Variants in CLSTN2 observed in about 807,000 individuals in gnomAD.
CLSTN2 encodes the protein calsyntenin 2, also known as calsyntenin-2.
In CLSTN2, 48 loss-of-function variants were observed where a neutral mutation model predicts 101.2. The observed-to-expected ratio is 0.47, with a 90% CI of 0.38 to 0.60. The LOEUF (loss-of-function observed/expected upper bound fraction) is 0.60. CLSTN2 is among the 20% of genes least tolerant of loss of function. CLSTN2 has a pLI of 0.00. For synonymous variants in CLSTN2, 481 were observed against 463.6 expected (o/e 1.04, Z -0.48); for missense variants, 1,160 against 1,238.2 (o/e 0.94, Z 0.95).
chr3:140,019,349 T>C (rs2007262386), intron 1 of CLSTN2, among the ~76,000 whole-genome samples: 1 of 152,178 alleles, frequency 6.6e-6, no homozygotes, highest in African/African-American at 2.4e-5. Flanking sequence ...AAGGCCTGAA[T>C]AGAATCAAGA....
intron 1 of CLSTN2, among the ~76,000 whole-genome samples, chr3:140,136,723 T>A (rs1171309173): frequency 6.6e-6 from 1 of 152,176 alleles, no homozygotes; most frequent in Non-Finnish European, 1.5e-5. Context: ...CTTGCAGAGT[T>A]GTTGTGAGAA....
chr3:140,137,372 T>C (rs76952882), intron 1 of CLSTN2, among the ~76,000 whole-genome samples: 3,515 of 97,268 alleles, frequency 0.036, 58 homozygotes, highest in Middle Eastern at 0.059. Context: ...TTCTTATACA[T>C]CCTGAGCATA....
intron 1 of CLSTN2, among the ~76,000 whole-genome samples, chr3:140,138,782 A>G (rs530499985): frequency 1.3e-5 from 2 of 152,196 alleles, no homozygotes; most frequent in Non-Finnish European, 2.9e-5. Context: ...GGAGAAATGT[A>G]CAAAGTGAGT....
chr3:140,086,676 C>A (rs74640085), intron 1 of CLSTN2, among the ~76,000 whole-genome samples: 1 of 152,104 alleles, frequency 6.6e-6, no homozygotes, highest in Non-Finnish European at 1.5e-5. Flanking sequence ...GCTCATAAAC[C>A]GTCTCTTTCA....
intron 5 of CLSTN2, among the ~76,000 whole-genome samples, chr3:140,442,981 C>A (rs899494934): frequency 6.6e-6 from 1 of 152,208 alleles, no homozygotes; most frequent in Non-Finnish European, 1.5e-5. Flanking sequence ...CAAATCAAAG[C>A]CATTCATCCC....
At chr3:140,022,452 A>C (rs2007337596) in intron 1 of CLSTN2, among the ~76,000 whole-genome samples, 2 of 152,202 alleles carry the variant, frequency 1.3e-5, no homozygotes, top group South Asian at 4.1e-4. Context: ...GCTGCCCAGG[A>C]GAGGGGTCCA....
intron 2 of CLSTN2, among the ~76,000 whole-genome samples, chr3:140,372,626 C>T (rs907443845): frequency 1.3e-5 from 2 of 152,114 alleles, no homozygotes; most frequent in Non-Finnish European, 2.9e-5. Context: ...AGAACACAGG[C>T]AACTCCATTA....
chr3:140,402,316 A>G (rs531933741), intron 2 of CLSTN2, among the ~76,000 whole-genome samples: 1 of 152,228 alleles, frequency 6.6e-6, no homozygotes. Context: ...TAGAAAGTAC[A>G]TGGACTTAGG....
intron 1 of CLSTN2, among the ~76,000 whole-genome samples, chr3:139,940,198 T>A (rs952711176): frequency 6.6e-6 from 1 of 152,216 alleles, no homozygotes; most frequent in Non-Finnish European, 1.5e-5. Flanking sequence ...ATTTGCTTGG[T>A]GAACACACCT....
chr3:140,025,453 C>G (rs2007399074), intron 1 of CLSTN2, among the ~76,000 whole-genome samples: 1 of 152,208 alleles, frequency 6.6e-6, no homozygotes, highest in Non-Finnish European at 1.5e-5. Flanking sequence ...GCCTGACCCT[C>G]AGCTTTCCGT....
At chr3:140,399,789 T>C (rs1467806828) in intron 2 of CLSTN2, among the ~76,000 whole-genome samples, 1 of 152,166 alleles carries the variant, frequency 6.6e-6, no homozygotes, top group Admixed American at 6.5e-5. Context: ...TGCTAGAGTT[T>C]GGAGTATGAT....
At chr3:140,198,469 G>T (rs1307370413) in intron 2 of CLSTN2, among the ~76,000 whole-genome samples, 1 of 152,204 alleles carries the variant, frequency 6.6e-6, no homozygotes, top group Admixed American at 6.5e-5. Context: ...GGAGCTCAGG[G>T]TCCTCTGCCA....
chr3:140,060,175 T>C (rs905861200), intron 1 of CLSTN2, among the ~76,000 whole-genome samples: 3 of 152,252 alleles, frequency 2.0e-5, no homozygotes, highest in Non-Finnish European at 4.4e-5. Context: ...CTTGCATCGT[T>C]ATGCCTTTGT....
chr3:140,547,768 A>G (rs1265038893), intron 10 of CLSTN2, among the ~76,000 whole-genome samples: 1 of 152,128 alleles, frequency 6.6e-6, no homozygotes, highest in Admixed American at 6.5e-5. Flanking sequence ...CTGAATAAAG[A>G]GCAGAGCCAA....
intron 2 of CLSTN2, among the ~76,000 whole-genome samples, chr3:140,317,651 T>A (rs563697390): frequency 6.6e-6 from 1 of 152,314 alleles, no homozygotes; most frequent in South Asian, 2.1e-4. Flanking sequence ...GGAACCTAAC[T>A]TACTCTCTGA....
intron 1 of CLSTN2, among the ~76,000 whole-genome samples, chr3:140,093,497 C>G (rs1670304670): frequency 1.3e-5 from 2 of 152,126 alleles, no homozygotes; most frequent in Non-Finnish European, 2.9e-5. Flanking sequence ...AGTTTAGGTC[C>G]CCTCTGCACA....
intron 2 of CLSTN2, among the ~76,000 whole-genome samples, chr3:140,248,632 T>C (rs1215393121): frequency 6.6e-6 from 1 of 152,172 alleles, no homozygotes; most frequent in Non-Finnish European, 1.5e-5. Flanking sequence ...CGTTAGTTAA[T>C]AACAGATCCA....
chr3:140,283,547 G>A (rs114159617), intron 2 of CLSTN2, among the ~76,000 whole-genome samples: 3,028 of 152,226 alleles, frequency 0.02, 110 homozygotes, highest in African/African-American at 0.068. Flanking sequence ...GGATGGGCAC[G>A]AGGTCACCCA....
chr3:140,084,543 A>G (rs920829152), intron 1 of CLSTN2, among the ~76,000 whole-genome samples: 2 of 152,192 alleles, frequency 1.3e-5, no homozygotes, highest in African/African-American at 2.4e-5. Context: ...ACTGAAGTCT[A>G]TCAGAAACCA....
Sources: allele counts gnomAD v4.1 joint callset (sites outside exome capture counted in the v4.1 genomes callset), GRCh38; gene constraint gnomAD v4.1.1; transcripts MANE v1.5; gene names NCBI Gene and HGNC (gene_info 2026-07-23, HGNC 2026-07-21).